Variants in P4HA3 observed in about 807,000 individuals in gnomAD.
P4HA3 encodes the protein prolyl 4-hydroxylase subunit alpha 3, also known as prolyl 4-hydroxylase subunit alpha-3.
A neutral mutation model predicts 66.7 loss-of-function variants in P4HA3; 60 were observed. The ratio of observed to expected loss-of-function variants is 0.90; its 90% CI spans 0.73 to 1.12. The LOEUF (loss-of-function observed/expected upper bound fraction) is 1.12. Ranked by LOEUF, P4HA3 falls within the 50% of genes most tolerant of loss-of-function variation. The pLI is 0.00. For synonymous variants in P4HA3, 263 were observed against 274.6 expected (o/e 0.96, Z 0.42); for missense variants, 683 against 685.8 (o/e 1.00, Z 0.05).
chr11:74,285,983 G>C lies in P4HA3; in HGVS notation c.936C>G (p.Pro312=). 6.2e-7 allele frequency: 1 copy of C among 1,604,042 alleles called. No homozygotes were observed. Among genetic ancestry groups the C allele is most frequent in the Non-Finnish European group, 8.5e-7 (1 of 1,171,032 alleles). Residue 312 remains proline (P), a splice_region_variant and synonymous_variant, in exon 7 of 13, where the codon CCC becomes CCG. Coordinates refer to ENST00000331597, the MANE Select transcript of P4HA3 (RefSeq NM_182904.5). ...AGAGGCTAGGGATCTGGTAGAGAGTGGGCTGGAAGGAAAGAATAGGATGAG... is the reference window on the plus strand; with the variant it reads ...AGAGGCTAGGGATCTGGTAGAGAGTCGGCTGGAAGGAAAGAATAGGATGAG... ...EGLCQTLGSQ[P]TLYQIPSLYC...
At chr11:74,255,203 T>A (rs1050886595) in intron 15 of P4HA3, among the ~76,000 whole-genome samples, 1 of 152,140 alleles carries the variant, frequency 6.6e-6, no homozygotes, top group African/African-American at 2.4e-5. Context: ...AAGTGATAGG[T>A]ATCACCATCT....
In P4HA3 at chr11:74,307,164, G is replaced by A. The variant is rs151021397; in HGVS notation, c.201-2752C>T. Among the ~76,000 whole-genome samples the A allele has an allele frequency of 7.2e-3, 1,097 of 152,256 alleles. 13 individuals are homozygous for A. The highest frequency in any genetic ancestry group is 0.025 in the African/African-American group (1,034 of 41,548). On this transcript the variant is annotated intron_variant, in intron 1 of 12. Transcript: ENST00000331597. ...TGACCCAGCCTCCAACTATCACTCA[G>A]TTTCCTCATCCATAAAATGAAGGAA... is the stretch of plus-strand genomic sequence containing the variant.
chr11:74,265,081 G>A (rs1479030409), downstream of P4HA3, among the ~76,000 whole-genome samples: 1 of 152,170 alleles, frequency 6.6e-6, no homozygotes, highest in Non-Finnish European at 1.5e-5. Context: ...GGGTTGGAAT[G>A]AGCATTAAAT....
intron 7 of P4HA3, chr11:74,285,591 G>GAATC: frequency 2.0e-6 from 1 of 491,622 alleles, no homozygotes. Flanking sequence ...ATACCCCAGA[G>GAATC]AATCCTCTTG....
chr11:74,270,562 G>A (rs1860160532), intron 10 of P4HA3, among the ~76,000 whole-genome samples: 1 of 152,092 alleles, frequency 6.6e-6, no homozygotes, highest in African/African-American at 2.4e-5. Flanking sequence ...CATTTATTGG[G>A]CACTGACTAT....
intron 9 of P4HA3, 87 bp from the exon 10 acceptor site, chr11:74,273,694 T>C (rs1860287740): frequency 2.8e-6 from 3 of 1,058,492 alleles, no homozygotes; most frequent in Non-Finnish European, 3.8e-6. Flanking sequence ...CAAATAGAAG[T>C]AAAATGGGGG....
chr11:74,310,689 T>C (rs1010014620), intron 1 of P4HA3, among the ~76,000 whole-genome samples: 4 of 152,228 alleles, frequency 2.6e-5, no homozygotes, highest in African/African-American at 9.6e-5. Context: ...ATATGTGTTG[T>C]ATGAATTAAT....
intron 15 of P4HA3, among the ~76,000 whole-genome samples, chr11:74,258,139 C>T (rs1859857184): frequency 6.6e-6 from 1 of 152,190 alleles, no homozygotes; most frequent in Non-Finnish European, 1.5e-5. Flanking sequence ...CCAGAATCAA[C>T]TCATTCTCAG....
intron 4 of P4HA3, among the ~76,000 whole-genome samples, chr11:74,292,003 T>A (rs983640858): frequency 6.6e-6 from 1 of 152,216 alleles, no homozygotes; most frequent in African/African-American, 2.4e-5. Context: ...TTGATTGGAA[T>A]AGTTTCAGAA....
At chr11:74,251,384 A>AC in intron 15 of P4HA3, 1 of 1,361,110 alleles carries the variant, frequency 7.3e-7, no homozygotes, top group Non-Finnish European at 9.4e-7. Flanking sequence ...CTGTGAGAAA[A>AC]CACCATTCTG....
At chr11:74,311,383 T>C (rs754976039) in intron 1 of P4HA3, 29 bp downstream of exon 1, 191 of 1,473,124 alleles carry the variant, frequency 1.3e-4, no homozygotes, top group Middle Eastern at 1.8e-4. Flanking sequence ...CTGAGGCCCC[T>C]CGGTCGCTCC....
chr11:74,265,036 A>G (rs1009259445), downstream of P4HA3, among the ~76,000 whole-genome samples: 2 of 152,216 alleles, frequency 1.3e-5, no homozygotes, highest in Non-Finnish European at 2.9e-5. Flanking sequence ...CTGCCTCCTT[A>G]TCTGTAAAAT....
At chr11:74,262,186 G>T (rs921094775), downstream of P4HA3, among the ~76,000 whole-genome samples, 1 of 152,104 alleles carries the variant, frequency 6.6e-6, no homozygotes, top group African/African-American at 2.4e-5. Flanking sequence ...TCACCACGCA[G>T]GCATCTAGTG....
intron 4 of P4HA3, among the ~76,000 whole-genome samples, chr11:74,294,964 T>G (rs1326936238): frequency 6.6e-6 from 1 of 152,164 alleles, no homozygotes; most frequent in Non-Finnish European, 1.5e-5. Context: ...CACTACTCTC[T>G]TCAAAGCTCA....
At chr11:74,257,919 G>T (rs1280838368) in intron 15 of P4HA3, among the ~76,000 whole-genome samples, 1 of 152,116 alleles carries the variant, frequency 6.6e-6, no homozygotes, top group Non-Finnish European at 1.5e-5. Context: ...AAAGTGAGGG[G>T]CCAAGAACCC....
intron 12 of P4HA3, among the ~76,000 whole-genome samples, chr11:74,267,697 C>T (rs1349910251): frequency 2.6e-5 from 4 of 152,218 alleles, no homozygotes; most frequent in African/African-American, 9.7e-5. Context: ...TTATGAGCCC[C>T]CTTCCACTTC....
intron 9 of P4HA3, among the ~76,000 whole-genome samples, chr11:74,275,523 T>C (rs1860363455): frequency 6.6e-6 from 1 of 152,246 alleles, no homozygotes; most frequent in South Asian, 2.1e-4. Flanking sequence ...TTCTGTTCCA[T>C]TGACATATGT....
At chr11:74,263,146 C>T (rs749460755), downstream of P4HA3, among the ~76,000 whole-genome samples, 7 of 152,270 alleles carry the variant, frequency 4.6e-5, no homozygotes, top group Non-Finnish European at 1.0e-4. Context: ...ATCCAATTCT[C>T]ACTTACATTT....
intron 3 of P4HA3, among the ~76,000 whole-genome samples, chr11:74,301,523 A>C (rs901483912): frequency 6.6e-6 from 1 of 152,212 alleles, no homozygotes; most frequent in Non-Finnish European, 1.5e-5. Context: ...CTTAATTTGG[A>C]AGACTGACTC....
Sources: allele counts gnomAD v4.1 joint callset (sites outside exome capture counted in the v4.1 genomes callset), GRCh38; gene constraint gnomAD v4.1.1; transcripts MANE v1.5; gene names NCBI Gene and HGNC (gene_info 2026-07-23, HGNC 2026-07-21).